ZNF287: variants seen among roughly 807,000 people sequenced by gnomAD.
The protein encoded by ZNF287 is zinc finger protein with KRAB and SCAN domains 13.
Under a neutral mutation model 73.7 loss-of-function variants are expected in ZNF287, and 31 were observed. The observed-to-expected ratio is 0.42, with a 90% confidence interval of 0.32 to 0.57. The LOEUF is 0.57. ZNF287 is among the 20% of genes least tolerant of loss of function. The pLI, the probability that ZNF287 is intolerant of heterozygous loss-of-function variation, is 0.13. For synonymous variants in ZNF287, 301 were observed against 307.2 expected, an observed-to-expected ratio of 0.98 and a Z score of 0.21; for missense variants, 641 against 909.3, an observed-to-expected ratio of 0.70 and a Z score of 3.79.
At position 16,556,732 on chromosome 17, in the gene ZNF287, A is replaced by C. The variant is rs1473879752; in HGVS notation, c.716-3306T>G. 2.0e-5 allele frequency among the ~76,000 whole-genome samples: 3 copies of C among 152,344 alleles called. No individual in the cohort carries two copies. The East Asian group carries it at 5.8e-4, about 29-fold the overall frequency. ...CAGAAGTTGAGTTCAACTTCTATGC[A>C]ATCAGTATCAGTCTATGACAGATTG... On this transcript the variant is annotated intron_variant, in intron 5 of 5. Transcript: ENST00000395825.
chr17:16,553,010 T>G lies in ZNF287; in HGVS notation c.1132A>C (p.Arg378=). The change falls in exon 6 of 6, where the codon AGG becomes CGG. Residue 378 remains arginine, a synonymous_variant. Transcript: ENST00000395825. The part of the protein sequence containing the change: ...YKCNVCGKKF[R]KYPSLLKHQS... ...TGTTTCAGGAGGGATGGGTATTTCCTAAATTTTTTCCCACACACATTACAC... is the reference window on the plus strand; with the variant it reads ...TGTTTCAGGAGGGATGGGTATTTCCGAAATTTTTTCCCACACACATTACAC... 6.2e-7 allele frequency: 1 copy of G among 1,614,174 alleles called. No homozygotes were observed. The highest frequency in any genetic ancestry group is 8.5e-7 in the Non-Finnish European group (1 of 1,180,022).
At position 16,548,462 on chromosome 17, in the gene ZNF287, G is replaced by T. The variant is rs115935207; in HGVS notation, c.*3394C>A. Among the ~76,000 whole-genome samples, 462 of 152,258 alleles carry T rather than the reference G, an allele frequency of 3.0e-3. 2 individuals carry two copies. The highest frequency in any genetic ancestry group is 0.011 in the African/African-American group (444 of 41,548). On this transcript the variant is annotated 3_prime_UTR_variant, in exon 6 of 6. Transcript: ENST00000395825. Reference sequence around the variant, plus strand: ...ACATGTAAATAATCAGTTGAATCCTGAACATGAGACATTTTTCAAGACAAC... The same window carrying T: ...ACATGTAAATAATCAGTTGAATCCTTAACATGAGACATTTTTCAAGACAAC...
Position 16,550,546 on chromosome 17 carries a change from C to T in ZNF287, c.*1310G>A, listed in dbSNP as rs1164942878. 1.3e-5 allele frequency among the ~76,000 whole-genome samples: 2 copies of T among 152,184 alleles called. No homozygotes were observed. Among genetic ancestry groups the T allele is most frequent in the Non-Finnish European group, 2.9e-5 (2 of 68,032 alleles). On this transcript the variant is annotated 3_prime_UTR_variant, in exon 6 of 6. Transcript: ENST00000395825. The stretch of plus-strand genomic sequence containing the variant: ...TACACTATCACTTCCACTTCCTTCT[C>T]TTGGGATATAGGTAGCATTTGGCAA...
Position 16,566,600 on chromosome 17 carries a change from G to A in ZNF287, c.426C>T (p.Ser142=). 6.2e-7 allele frequency: 1 copy of A among 1,612,592 alleles called. No individual in the cohort carries two copies. Among genetic ancestry groups the A allele is most frequent in the South Asian group, 1.1e-5 (1 of 90,744 alleles). ...EEEAPQNSTL[S]QDTPEEDPRG... ...TGGGGTCTTCCTCTGGGGTATCTTG[G>A]GAAAGGGTAGAGTTTTGAGGAGCTA... The change falls in exon 3 of 6, where the codon TCC becomes TCT. Residue 142 remains serine (S), a synonymous_variant. Coordinates refer to ENST00000395825, the MANE Select transcript of ZNF287 (RefSeq NM_020653.4).
Position 16,548,633 on chromosome 17 carries a change from T to TA in ZNF287, c.*3222dup, listed in dbSNP as rs951256659. Among the ~76,000 whole-genome samples, 10 of 151,996 alleles carry TA rather than the reference T, an allele frequency of 6.6e-5. 1 individual carries two copies. The highest frequency in any genetic ancestry group is 3.3e-4 in the Admixed American group (5 of 15,256). On this transcript the variant is annotated 3_prime_UTR_variant, in exon 6 of 6. Coordinates refer to ENST00000395825, the MANE Select transcript of ZNF287 (RefSeq NM_020653.4). ...TAACACAGTGAAACCCCATCTCTACTAAAAAAATACAAAGAAATTAGCCGG... is the reference window on the plus strand; with the variant it reads ...TAACACAGTGAAACCCCATCTCTACTAAAAAAAATACAAAGAAATTAGCCGG...
rs1194367474 is a variant in ZNF287 at position 16,547,586 on chromosome 17, TGTC to T, written c.*4267_*4269del. On this transcript the variant is annotated 3_prime_UTR_variant, in exon 6 of 6. Coordinates refer to ENST00000395825, the MANE Select transcript of ZNF287 (RefSeq NM_020653.4). ...GTAACTGATGGCATGAGTGAAGAGT[TGTC>T]TTTATGAAAACCAACTTGAATGGTT... 1.3e-5 allele frequency among the ~76,000 whole-genome samples: 2 copies of T among 152,236 alleles called. No individual in the cohort carries two copies. Among genetic ancestry groups the T allele is most frequent in the African/African-American group, 4.8e-5 (2 of 41,470 alleles).
Position 16,547,479 on chromosome 17 carries a change from G to C in ZNF287, c.*4377C>G, listed in dbSNP as rs1032156325. 1.3e-5 allele frequency among the ~76,000 whole-genome samples: 2 copies of C among 152,154 alleles called. No individual in the cohort carries two copies. Among genetic ancestry groups the C allele is most frequent in the Non-Finnish European group, 2.9e-5 (2 of 68,022 alleles). On this transcript the variant is annotated 3_prime_UTR_variant, in exon 6 of 6. Transcript: ENST00000395825. ...TGGAAGTGTTCTCTCCAATTTAGGT[G>C]CATGCTTAACAAGATTTAGTTGTTT...
At chr17:16,565,928 C>T (rs912028804) in intron 3 of ZNF287, among the ~76,000 whole-genome samples, 8 of 152,076 alleles carry the variant, frequency 5.3e-5, no homozygotes, top group Non-Finnish European at 1.0e-4. Context: ...TGGAGGCTGC[C>T]GTGGACCAAG....
Position 16,551,725 on chromosome 17 carries a change from C to G in ZNF287, c.*131G>C. Reference sequence around the variant, plus strand: ...TAAATAGGTTATATCCATACCACTACTTCTGATACTTCTGCTGAGTATCTA... The same window carrying G: ...TAAATAGGTTATATCCATACCACTAGTTCTGATACTTCTGCTGAGTATCTA... On this transcript the variant is annotated 3_prime_UTR_variant, in exon 6 of 6. Transcript: ENST00000395825. The G allele has an allele frequency of 2.1e-6, 2 of 963,238 alleles. No individual in the cohort carries two copies. 59.7% of individuals were successfully genotyped at this position (963,238 alleles called of 1,614,324 possible).
rs1906573943 is a variant in ZNF287, at chr17:16,550,459, A to G, written c.*1397T>C. Among the ~76,000 whole-genome samples, 1 of 152,184 alleles carries G rather than the reference A, an allele frequency of 6.6e-6. No individual in the cohort carries two copies. The highest frequency in any genetic ancestry group is 2.1e-4 in the South Asian group (1 of 4,824). On this transcript the variant is annotated 3_prime_UTR_variant, in exon 6 of 6. Coordinates refer to ENST00000395825, the MANE Select transcript of ZNF287 (RefSeq NM_020653.4). ...CCACTAAAATTTCACCTTTTCCCCGACCCACATTCTGCAGTGAATTCAGAT... is the reference window on the plus strand; with the variant it reads ...CCACTAAAATTTCACCTTTTCCCCGGCCCACATTCTGCAGTGAATTCAGAT...
chr17:16,553,395 T>G lies in ZNF287; in HGVS notation c.747A>C (p.Pro249=). The change falls in exon 6 of 6, where the codon CCA becomes CCC. Residue 249 remains proline (P), a synonymous_variant. Coordinates refer to ENST00000395825, the MANE Select transcript of ZNF287 (RefSeq NM_020653.4). ...TTGTGAGTTTAGACATATCCTCCAC[T>G]GGAGTACATGCTTGGGCTTTAGTTT... The part of the protein sequence containing the change: ...EWETKAQACT[P]VEDMSKLTKE... The G allele has an allele frequency of 6.3e-7, 1 of 1,574,830 alleles. No individual in the cohort carries two copies. Among genetic ancestry groups the G allele is most frequent in the Non-Finnish European group, 8.6e-7 (1 of 1,163,786 alleles).
intron 5 of ZNF287, among the ~76,000 whole-genome samples, chr17:16,558,683 A>AT (rs750796562): frequency 3.3e-5 from 5 of 152,190 alleles, no homozygotes; most frequent in Non-Finnish European, 7.3e-5. Context: ...AGTGTCTTAG[A>AT]TTTAAAAAAT....
chr17:16,551,753 A>C lies in ZNF287; in HGVS notation c.*103T>G. ...CTGATACTTCTGCTGAGTATCTAAC[A>C]TATTGCACTTCTTCAGACTTCTTCT... On this transcript the variant is annotated 3_prime_UTR_variant, in exon 6 of 6. Transcript: ENST00000395825. 1 of 1,239,666 alleles carries C rather than the reference A, an allele frequency of 8.1e-7. No individual in the cohort carries two copies. The highest frequency in any genetic ancestry group is 1.5e-5 in the South Asian group (1 of 67,212). The allele number at this position is 1,239,666 out of a possible 1,614,324, so 76.8% of individuals were successfully genotyped here.
chr17:16,567,904 G>A lies in ZNF287; in HGVS notation c.-173C>T. On this transcript the variant is annotated 5_prime_UTR_variant, in exon 2 of 6. Coordinates refer to ENST00000395825, the MANE Select transcript of ZNF287 (RefSeq NM_020653.4). ...GCCTTAGTGACAAATTCTGAGCCCA[G>A]AACTTGCAGGGATGGATAAGAGACC... is the stretch of plus-strand genomic sequence containing the variant. The A allele has an allele frequency of 7.0e-7, 1 of 1,428,282 alleles. No homozygotes were observed. Among genetic ancestry groups the A allele is most frequent in the Non-Finnish European group, 9.1e-7 (1 of 1,096,874 alleles). The allele number at this position is 1,428,282 out of a possible 1,614,324, so 88.5% of individuals were successfully genotyped here. A position where few individuals can be genotyped will look rare whatever the true frequency, so the allele number is the denominator to read the frequency against.
chr17:16,557,852 C>T (rs745509687), intron 5 of ZNF287: 1 of 152,214 alleles, frequency 6.6e-6, no homozygotes, highest in Non-Finnish European at 1.5e-5. Context: ...AAAACCTCAC[C>T]TCTAAAAGAT....
chr17:16,567,758 C>T lies in ZNF287; in HGVS notation c.-27G>A. 1.9e-6 allele frequency: 3 copies of T among 1,578,468 alleles called. No homozygotes were observed. Among genetic ancestry groups the T allele is most frequent in the Non-Finnish European group, 8.6e-7 (1 of 1,163,192 alleles). On this transcript the variant is annotated 5_prime_UTR_variant, in exon 2 of 6. Transcript: ENST00000395825. ...GCTACAGACAGGAGAGTCAATCTGG[C>T]AATATCCTTTATTTCTCCAGTAGTG...
rs1569012416 is a variant in ZNF287, at chr17:16,552,000, G to A, written c.2142C>T (p.Ser714=). Residue 714 remains serine, a synonymous_variant, in exon 6 of 6, where the codon AGC becomes AGT. Transcript: ENST00000395825. ...GGTGTTGAATAAGGCATGTTCTCTG[G>A]CTAAAATCCTTATCACATTCATTAC... ...YKCNECDKDF[S]QRTCLIQHQR... 7 of 1,613,830 alleles carry A rather than the reference G, an allele frequency of 4.3e-6. No individual in the cohort carries two copies. Among genetic ancestry groups the A allele is most frequent in the Non-Finnish European group, 5.9e-6 (7 of 1,179,958 alleles).
Position 16,551,704 on chromosome 17 carries a change from T to C in ZNF287, c.*152A>G, listed in dbSNP as rs940441506. ...TCTTAAATTTCACATTAAATCTAAATAGGTTATATCCATACCACTACTTCT... is the reference window on the plus strand; with the variant it reads ...TCTTAAATTTCACATTAAATCTAAACAGGTTATATCCATACCACTACTTCT... On this transcript the variant is annotated 3_prime_UTR_variant, in exon 6 of 6. Transcript: ENST00000395825. 2 of 677,384 alleles carry C rather than the reference T, an allele frequency of 3.0e-6. No individual in the cohort carries two copies. The highest frequency in any genetic ancestry group is 1.8e-5 in the African/African-American group (1 of 54,758). The allele number at this position is 677,384 out of a possible 1,614,324, so 42.0% of individuals were successfully genotyped here.
rs759662493 is a variant in ZNF287 at position 16,563,791 on chromosome 17, A to G, written c.536T>C (p.Ile179Thr). Reference protein sequence around the residue: ...SMTFKDVAVDITQEDWELMRP... With the variant: ...SMTFKDVAVDTTQEDWELMRP... ...CATTAACTCCCAGTCCTCCTGGGTG[A>G]TGTCTACAGCCACATCTTTGAATGT... Residue 179 changes from isoleucine to threonine, a missense_variant, in exon 4 of 6, where the codon ATC (isoleucine) becomes ACC (threonine). Coordinates refer to ENST00000395825, the MANE Select transcript of ZNF287 (RefSeq NM_020653.4). 6.2e-7 allele frequency: 1 copy of G among 1,613,950 alleles called. No individual in the cohort carries two copies. The highest frequency in any genetic ancestry group is 8.5e-7 in the Non-Finnish European group (1 of 1,179,876).
Sources: allele counts gnomAD v4.1 joint callset (sites outside exome capture counted in the v4.1 genomes callset), GRCh38; gene constraint gnomAD v4.1.1; transcripts MANE v1.5; gene names NCBI Gene and HGNC (gene_info 2026-07-23, HGNC 2026-07-21).